Variants in MTUS2 observed in about 807,000 individuals in gnomAD.
MTUS2 encodes microtubule associated scaffold protein 2.
MTUS2 carries 40 observed loss-of-function variants against 114.1 expected under a neutral mutation model. The ratio of observed to expected loss-of-function variants is 0.35; its 90% CI spans 0.27 to 0.46. MTUS2 has a LOEUF of 0.46. Ranked by LOEUF, MTUS2 falls within the 20% of genes least tolerant of loss-of-function variation. The pLI, the probability that MTUS2 is intolerant of heterozygous loss-of-function variation, is 1.00. For synonymous variants in MTUS2, 688 were observed against 672.0 expected, an observed-to-expected ratio of 1.02 and a Z score of -0.37; for missense variants, 1,679 against 1,705.4, an observed-to-expected ratio of 0.98 and a Z score of 0.27.
intron 7 of MTUS2, among the ~76,000 whole-genome samples, chr13:29,358,801 G>A (rs1160962890): frequency 6.6e-6 from 1 of 152,130 alleles, no homozygotes; most frequent in East Asian, 1.9e-4. Context: ...GAAGAAAAGG[G>A]TCACTAGAGC....
intron 8 of MTUS2, among the ~76,000 whole-genome samples, chr13:29,394,922 C>T (rs931846142): frequency 6.6e-6 from 1 of 152,124 alleles, no homozygotes; most frequent in African/African-American, 2.4e-5. Context: ...TGAAACACCC[C>T]CCACCCGCCT....
At chr13:29,062,377 C>G (rs533344711) in intron 4 of MTUS2, among the ~76,000 whole-genome samples, 1 of 152,074 alleles carries the variant, frequency 6.6e-6, no homozygotes, top group South Asian at 2.1e-4. Flanking sequence ...CTGTGTAGGT[C>G]TTTGGTGCGA....
At chr13:29,468,097 T>G (rs1880014742) in intron 9 of MTUS2, among the ~76,000 whole-genome samples, 2 of 152,020 alleles carry the variant, frequency 1.3e-5, no homozygotes, top group South Asian at 4.2e-4. Flanking sequence ...CCAGCCTTGG[T>G]GACAGAGGGA....
chr13:28,984,470 T>C (rs1884490051), intron 2 of MTUS2, among the ~76,000 whole-genome samples: 1 of 152,210 alleles, frequency 6.6e-6, no homozygotes, highest in Non-Finnish European at 1.5e-5. Context: ...TCAGTGCTTC[T>C]ACCTCCTGGT....
At chr13:29,375,987 A>G (rs1373076272) in intron 8 of MTUS2, among the ~76,000 whole-genome samples, 1 of 130,778 alleles carries the variant, frequency 7.6e-6, no homozygotes, top group African/African-American at 2.8e-5. Flanking sequence ...CCCACAAGCT[A>G]TTTAAACATA....
chr13:29,387,509 A>C (rs1872706665), intron 8 of MTUS2, among the ~76,000 whole-genome samples: 1 of 152,156 alleles, frequency 6.6e-6, no homozygotes, highest in African/African-American at 2.4e-5. Context: ...GACATGTGAC[A>C]ATCTAGGTCA....
chr13:29,258,360 A>G (rs1593231422), intron 5 of MTUS2, among the ~76,000 whole-genome samples: 1 of 152,012 alleles, frequency 6.6e-6, no homozygotes, highest in Non-Finnish European at 1.5e-5. Context: ...TGAATCTTCA[A>G]CTTTCTCTTC....
chr13:29,439,872 A>T, intron 8 of MTUS2, 111 bp from the exon 9 acceptor site: 1 of 865,520 alleles, frequency 1.2e-6, no homozygotes, highest in Non-Finnish European at 1.9e-6. Context: ...TTATCTCCTT[A>T]AGGACTAGAC....
chr13:29,198,863 CTGTT>C (rs1395445010), intron 5 of MTUS2, among the ~76,000 whole-genome samples: 1 of 152,070 alleles, frequency 6.6e-6, no homozygotes, highest in Non-Finnish European at 1.5e-5. Context: ...ATTTGGCTCT[CTGTT>C]TGTCTATTAT....
chr13:29,011,777 A>G (rs1197734137), intron 2 of MTUS2, among the ~76,000 whole-genome samples: 1 of 152,222 alleles, frequency 6.6e-6, no homozygotes, highest in Non-Finnish European at 1.5e-5. Context: ...ATGAAAGTGT[A>G]TACCTTTCCA....
chr13:28,871,756 G>C (rs1877631525), intron 2 of MTUS2, among the ~76,000 whole-genome samples: 1 of 152,184 alleles, frequency 6.6e-6, no homozygotes, highest in Admixed American at 6.5e-5. Context: ...TGAAGTGGGG[G>C]GATTACTTTA....
At chr13:29,168,910 G>GTGTGTGTGTGTGTGTGTT (rs1426463456) in intron 5 of MTUS2, among the ~76,000 whole-genome samples, 1 of 151,858 alleles carries the variant, frequency 6.6e-6, no homozygotes, top group Non-Finnish European at 1.5e-5. Context: ...GTGTGTGTGT[G>GTGTGTGTGTGTGTGTGTT]TGTGTGTGAA....
intron 8 of MTUS2, among the ~76,000 whole-genome samples, chr13:29,372,874 C>A (rs1871307259): frequency 6.6e-6 from 1 of 152,194 alleles, no homozygotes; most frequent in Non-Finnish European, 1.5e-5. Flanking sequence ...GCACACTCCA[C>A]CCTTCTTCTC....
At chr13:29,222,142 T>G (rs1486186399) in intron 5 of MTUS2, among the ~76,000 whole-genome samples, 1 of 152,202 alleles carries the variant, frequency 6.6e-6, no homozygotes, top group Non-Finnish European at 1.5e-5. Context: ...CAGAAATAAC[T>G]GGCAGTTCAG....
At chr13:29,081,542 A>G (rs1388205944) in intron 4 of MTUS2, among the ~76,000 whole-genome samples, 2 of 151,594 alleles carry the variant, frequency 1.3e-5, no homozygotes, top group South Asian at 2.1e-4. Context: ...TTCTTGTACT[A>G]TCAGTGTCTG....
At chr13:29,163,384 A>G (rs976073014) in intron 5 of MTUS2, among the ~76,000 whole-genome samples, 7 of 152,104 alleles carry the variant, frequency 4.6e-5, no homozygotes, top group Non-Finnish European at 8.8e-5. Flanking sequence ...GGTATTATAT[A>G]TAGTCATGTT....
In MTUS2 at chr13:29,044,968, A is replaced by G. The variant is rs372009735; in HGVS notation, c.2446+10843A>G. 1.3e-3 allele frequency among the ~76,000 whole-genome samples: 203 copies of G among 152,272 alleles called. 1 individual carries two copies. Among genetic ancestry groups the G allele is most frequent in the African/African-American group, 4.6e-3 (192 of 41,556 alleles). Reference sequence around the variant, plus strand: ...CCACCTTCAGCTCATAGGGCCACCCACATTCCTTGCCATGTGTCCCCCTTT... The same window carrying G: ...CCACCTTCAGCTCATAGGGCCACCCGCATTCCTTGCCATGTGTCCCCCTTT... On this transcript the variant is annotated intron_variant, in intron 4 of 15. Transcript: ENST00000612955.
At position 29,503,086 on chromosome 13, in the gene MTUS2, T is replaced by C; in HGVS notation, c.3990T>C (p.Leu1330=). The change falls in exon 16 of 16, where the codon CTT becomes CTC. Residue 1330 remains leucine, a synonymous_variant. Coordinates refer to ENST00000612955, the MANE Select transcript of MTUS2 (RefSeq NM_001033602.4). ...TGAGCCGAACCAATGAAGAGCTGCT[T>C]TGGAAGCTCCAAACTGGGGACCCGA... ...KRLSRTNEEL[L]WKLQTGDPTS... The C allele has an allele frequency of 1.2e-6, 2 of 1,614,218 alleles. No homozygotes were observed. Among genetic ancestry groups the C allele is most frequent in the Non-Finnish European group, 1.7e-6 (2 of 1,180,028 alleles).
At chr13:29,335,206 A>G (rs1900991516) in intron 7 of MTUS2, among the ~76,000 whole-genome samples, 1 of 152,180 alleles carries the variant, frequency 6.6e-6, no homozygotes, top group South Asian at 2.1e-4. Context: ...GATCTCTAAA[A>G]TGGCTGCTTT....
Sources: allele counts gnomAD v4.1 joint callset (sites outside exome capture counted in the v4.1 genomes callset), GRCh38; gene constraint gnomAD v4.1.1; transcripts MANE v1.5; gene names NCBI Gene and HGNC (gene_info 2026-07-23, HGNC 2026-07-21).